The following CNGA3 variants were observed in gnomAD, a reference collection of about 807,000 sequenced individuals.
CNGA3 encodes the protein cyclic nucleotide-gated channel alpha-3.
A neutral mutation model predicts 46.6 loss-of-function variants in CNGA3; 42 were observed. The ratio of observed to expected loss-of-function variants is 0.90; its 90% CI spans 0.70 to 1.17. The LOEUF (loss-of-function observed/expected upper bound fraction) is 1.17, where lower values mean the gene tolerates loss of function less well. Ranked by LOEUF, CNGA3 falls within the 50% of genes most tolerant of loss-of-function variation. CNGA3 has a pLI of 0.00. For missense variants in CNGA3, 893 were observed against 890.7 expected, an observed-to-expected ratio of 1.00 and a Z score of -0.03; for synonymous variants, 394 against 369.4, an observed-to-expected ratio of 1.07 and a Z score of -0.76.
chr2:98,390,688 C>G (rs1028057193), intron 6 of CNGA3, among the ~76,000 whole-genome samples: 2 of 152,120 alleles, frequency 1.3e-5, no homozygotes, highest in Non-Finnish European at 2.9e-5. Context: ...TCTGAGGAAG[C>G]CTGCAGGCTG....
rs941581957 is a variant in CNGA3, at chr2:98,397,669, T to C, written c.*414T>C. On this transcript the variant is annotated 3_prime_UTR_variant, in exon 8 of 8. Transcript: ENST00000272602. ...GTCCAACTTCACCACCACCTGATAATGGGTATATAACAGGAAGCTGAAGGT... is the reference window on the plus strand; with the variant it reads ...GTCCAACTTCACCACCACCTGATAACGGGTATATAACAGGAAGCTGAAGGT... 6.7e-6 allele frequency: 2 copies of C among 299,004 alleles called. No homozygotes were observed. The highest frequency in any genetic ancestry group is 1.3e-5 in the Non-Finnish European group (2 of 156,050). The allele number at this position is 299,004 out of a possible 1,614,324, so 18.5% of individuals were successfully genotyped here.
chr2:98,372,654 A>G (rs549200761), intron 2 of CNGA3, among the ~76,000 whole-genome samples: 1 of 152,252 alleles, frequency 6.6e-6, no homozygotes, highest in South Asian at 2.1e-4. Flanking sequence ...AAAATGAATC[A>G]GTACTAATAT....
chr2:98,370,194 G>A (rs1692255209), intron 2 of CNGA3, 118 bp downstream of exon 2: 1 of 815,340 alleles, frequency 1.2e-6, no homozygotes, highest in Non-Finnish European at 2.1e-6. Context: ...CAGAGGGCAG[G>A]GGAGGTATTC....
intron 1 of CNGA3, among the ~76,000 whole-genome samples, chr2:98,350,344 T>A (rs997359980): frequency 6.6e-6 from 1 of 152,232 alleles, no homozygotes; most frequent in African/African-American, 2.4e-5. Flanking sequence ...GATATGGACA[T>A]CTTATTACCT....
intron 4 of CNGA3, among the ~76,000 whole-genome samples, chr2:98,380,813 C>T (rs1336076046): frequency 6.6e-6 from 1 of 152,100 alleles, no homozygotes; most frequent in Non-Finnish European, 1.5e-5. Context: ...TGTAGGCACG[C>T]GTGCATTTTT....
intron 7 of CNGA3, among the ~76,000 whole-genome samples, chr2:98,394,076 C>A (rs1217554472): frequency 6.6e-6 from 1 of 151,880 alleles, no homozygotes; most frequent in African/African-American, 2.4e-5. Context: ...CCCCCAACTT[C>A]CGGGAGCCAA....
chr2:98,352,613 C>G (rs1691791687), intron 1 of CNGA3, among the ~76,000 whole-genome samples: 1 of 152,160 alleles, frequency 6.6e-6, no homozygotes, highest in South Asian at 2.1e-4. Flanking sequence ...CTGGGGGTGT[C>G]TGTGAGCGAG....
chr2:98,380,030 G>A (rs532697776), intron 3 of CNGA3, 145 bp from the exon 4 acceptor site: 50 of 950,470 alleles, frequency 5.3e-5, no homozygotes, highest in African/African-American at 2.1e-4. Flanking sequence ...CCCAGCACCC[G>A]TACCCTGCTG....
At chr2:98,376,220 A>T (rs1160806878) in intron 2 of CNGA3, among the ~76,000 whole-genome samples, 1 of 152,164 alleles carries the variant, frequency 6.6e-6, no homozygotes, top group Non-Finnish European at 1.5e-5. Flanking sequence ...GTGACCATCA[A>T]AAACCACCAG....
rs1214188127 is a variant in CNGA3, at chr2:98,383,413, A to C, written c.421A>C (p.Thr141Pro). ...RSAWPLAKCN[T>P]NTSNNTEEEK... Reference sequence around the variant, plus strand: ...CGCCTGGCCCCTGGCCAAATGCAACACTAACACCAGCAACAACACGGAGGA... The same window carrying C: ...CGCCTGGCCCCTGGCCAAATGCAACCCTAACACCAGCAACAACACGGAGGA... Residue 141 changes from threonine (T) to proline (P), a missense_variant, in exon 5 of 8, where the codon ACT (threonine) becomes CCT (proline). Physicochemically the swap from Thr to Pro is conservative, Grantham distance 38. Coordinates refer to ENST00000272602, the MANE Select transcript of CNGA3 (RefSeq NM_001298.3). 4 of 1,614,034 alleles carry C rather than the reference A, an allele frequency of 2.5e-6. No homozygotes were observed. In the African/African-American group the frequency reaches 5.3e-5, roughly 22 times the overall value.
chr2:98,396,148 G>A lies in CNGA3; in HGVS notation c.978G>A (p.Lys326=), dbSNP rs1313791180. The part of the protein sequence containing the change: ...WNACIYFAIS[K]FIGFGTDSWV... The stretch of plus-strand genomic sequence containing the variant: ...CCTGCATCTACTTTGCCATTTCCAA[G>A]TTCATTGGTTTTGGGACAGACTCCT... The change falls in exon 8 of 8, where the codon AAG becomes AAA. Residue 326 remains lysine (K), a synonymous_variant. Transcript: ENST00000272602. 1.2e-6 allele frequency: 2 copies of A among 1,614,074 alleles called. No individual in the cohort carries two copies. The highest frequency in any genetic ancestry group is 1.7e-6 in the Non-Finnish European group (2 of 1,180,044).
intron 4 of CNGA3, among the ~76,000 whole-genome samples, chr2:98,382,772 T>C (rs1259046365): frequency 6.6e-6 from 1 of 152,180 alleles, no homozygotes; most frequent in African/African-American, 2.4e-5. Context: ...TCAACCAGAT[T>C]CTCACATAGA....
chr2:98,378,306 C>A, intron 3 of CNGA3: 1 of 1,282,008 alleles, frequency 7.8e-7, no homozygotes, highest in Non-Finnish European at 1.1e-6. Context: ...CGTACTCCAG[C>A]TTCAACAGCT....
intron 1 of CNGA3, among the ~76,000 whole-genome samples, chr2:98,361,852 C>G (rs1408803561): frequency 6.6e-6 from 1 of 151,844 alleles, no homozygotes; most frequent in African/African-American, 2.4e-5. Context: ...GGACTACAGG[C>G]GCCCGCCACC....
intron 7 of CNGA3, among the ~76,000 whole-genome samples, chr2:98,392,323 G>T (rs1388457334): frequency 1.3e-5 from 2 of 152,188 alleles, no homozygotes; most frequent in Non-Finnish European, 2.9e-5. Flanking sequence ...ACTTTGGGAG[G>T]CCAAGGTGGA....
intron 1 of CNGA3, among the ~76,000 whole-genome samples, chr2:98,352,752 T>C (rs977827479): frequency 6.6e-6 from 1 of 152,174 alleles, no homozygotes; most frequent in Admixed American, 6.5e-5. Context: ...GGGGAATTCA[T>C]TCTTTGAGCT....
chr2:98,388,049 A>G (rs985915674), intron 5 of CNGA3, among the ~76,000 whole-genome samples: 3 of 152,204 alleles, frequency 2.0e-5, no homozygotes, highest in Non-Finnish European at 4.4e-5. Flanking sequence ...TGTATACTCA[A>G]TGGGGTGGTT....
intron 2 of CNGA3, 150 bp from the exon 3 acceptor site, chr2:98,377,537 G>A: frequency 2.7e-6 from 2 of 729,002 alleles, no homozygotes; most frequent in South Asian, 3.2e-5. Flanking sequence ...ATCTGCAGGA[G>A]GCAAAGGGAA....
intron 1 of CNGA3, among the ~76,000 whole-genome samples, chr2:98,369,674 T>C (rs547622500): frequency 3.9e-4 from 59 of 152,346 alleles, no homozygotes; most frequent in African/African-American, 1.4e-3. Flanking sequence ...ATTTATTCAT[T>C]CACTCATTCA....
Sources: gnomAD v4.1 joint callset for allele counts (sites outside exome capture counted in the v4.1 genomes callset) on GRCh38, gnomAD v4.1.1 for gene constraint, MANE v1.5 for transcripts, NCBI Gene and HGNC (gene_info 2026-07-23, HGNC 2026-07-21) for gene names.